LRMDA: variants seen among roughly 807,000 people sequenced by gnomAD.
The protein encoded by LRMDA is leucine rich melanocyte differentiation associated, also known as leucine-rich melanocyte differentiation-associated protein.
A neutral mutation model predicts 29.8 loss-of-function variants in LRMDA; 18 were observed. The ratio of observed to expected loss-of-function variants is 0.60; its 90% CI spans 0.42 to 0.90. The LOEUF is 0.90. Among genes scored for constraint, LRMDA ranks in the 40% least tolerant of loss-of-function variants. The pLI, the probability that LRMDA is intolerant of heterozygous loss-of-function variation, is 0.00. For synonymous variants in LRMDA, 125 were observed against 109.4 expected, an observed-to-expected ratio of 1.14 and a Z score of -0.89; for missense variants, 273 against 273.9, an observed-to-expected ratio of 1.00 and a Z score of 0.02.
At chr10:76,550,488 C>T (rs1589234142) in intron 6 of LRMDA, among the ~76,000 whole-genome samples, 2 of 147,050 alleles carry the variant, frequency 1.4e-5, no homozygotes, top group Non-Finnish European at 3.0e-5. Context: ...CAACCCCCCA[C>T]CCCCGGCCCC....
intron 2 of LRMDA, among the ~76,000 whole-genome samples, chr10:75,630,907 G>A (rs1169596137): frequency 3.3e-5 from 5 of 152,262 alleles, no homozygotes; most frequent in South Asian, 2.1e-4. Context: ...TTCCCCATCC[G>A]GAGTTTGCCC....
At chr10:76,276,949 C>T (rs73289035) in intron 5 of LRMDA, among the ~76,000 whole-genome samples, 9,265 of 152,140 alleles carry the variant, frequency 0.061, 771 homozygotes, top group African/African-American at 0.19. Flanking sequence ...TGGTGGTTTA[C>T]GATCCTCATT....
chr10:75,643,267 G>A (rs1228047815), intron 2 of LRMDA, among the ~76,000 whole-genome samples: 2 of 151,832 alleles, frequency 1.3e-5, no homozygotes, highest in African/African-American at 4.9e-5. Flanking sequence ...AATAACTAAG[G>A]GATTGAAAAT....
chr10:76,546,308 A>G (rs907832371), intron 6 of LRMDA, among the ~76,000 whole-genome samples: 12 of 152,104 alleles, frequency 7.9e-5, no homozygotes, highest in African/African-American at 2.9e-4. Flanking sequence ...CAGTCTTCCC[A>G]CCCCAGCTAA....
chr10:76,028,534 G>A (rs1004212281), intron 2 of LRMDA, among the ~76,000 whole-genome samples: 1 of 151,894 alleles, frequency 6.6e-6, no homozygotes, highest in Admixed American at 6.6e-5. Flanking sequence ...GATCATTTTG[G>A]ATCCTACTGT....
At chr10:75,754,601 G>A (rs1217810827) in intron 2 of LRMDA, among the ~76,000 whole-genome samples, 1 of 152,058 alleles carries the variant, frequency 6.6e-6, no homozygotes, top group African/African-American at 2.4e-5. Flanking sequence ...GCTGGTATTA[G>A]TTCACTAGTA....
intron 2 of LRMDA, among the ~76,000 whole-genome samples, chr10:75,575,343 C>A (rs760848023): frequency 7.9e-5 from 12 of 152,190 alleles, no homozygotes; most frequent in Non-Finnish European, 1.3e-4. Flanking sequence ...AGTCTTAACT[C>A]ATTCCAGCAT....
chr10:75,542,900 G>A (rs560956718), intron 2 of LRMDA, among the ~76,000 whole-genome samples: 2 of 152,306 alleles, frequency 1.3e-5, no homozygotes, highest in African/African-American at 4.8e-5. Flanking sequence ...ACTGTCCGGC[G>A]CAGCCTGCCT....
intron 2 of LRMDA, among the ~76,000 whole-genome samples, chr10:75,728,392 A>G (rs1031789262): frequency 2.0e-5 from 3 of 151,412 alleles, no homozygotes; most frequent in South Asian, 2.1e-4. Flanking sequence ...TTGAACATTT[A>G]TCATGTGCTT....
intron 2 of LRMDA, among the ~76,000 whole-genome samples, chr10:75,941,694 G>A (rs1287565403): frequency 6.6e-6 from 1 of 152,116 alleles, no homozygotes; most frequent in African/African-American, 2.4e-5. Flanking sequence ...CTGTGATCTG[G>A]TAGCTTCAGG....
chr10:75,624,072 A>G (rs992709635), intron 2 of LRMDA, among the ~76,000 whole-genome samples: 1 of 152,222 alleles, frequency 6.6e-6, no homozygotes, highest in African/African-American at 2.4e-5. Context: ...AATCATACAG[A>G]TGTGAATAAT....
intron 2 of LRMDA, among the ~76,000 whole-genome samples, chr10:75,604,445 C>T (rs1321970388): frequency 6.6e-6 from 1 of 152,142 alleles, no homozygotes; most frequent in African/African-American, 2.4e-5. Flanking sequence ...TTACCTCTGC[C>T]GTCTTCCAGT....
At chr10:75,884,949 T>C (rs950765880) in intron 2 of LRMDA, among the ~76,000 whole-genome samples, 1 of 151,410 alleles carries the variant, frequency 6.6e-6, no homozygotes, top group Non-Finnish European at 1.5e-5. Flanking sequence ...AGAACTCCAG[T>C]CCAGGAGGCC....
chr10:75,903,315 C>G (rs894508916), intron 2 of LRMDA, among the ~76,000 whole-genome samples: 1 of 152,150 alleles, frequency 6.6e-6, no homozygotes, highest in Non-Finnish European at 1.5e-5. Context: ...TCCTGGGTGT[C>G]GGGAAGCACA....
At chr10:76,450,076 T>C (rs975207777) in intron 6 of LRMDA, among the ~76,000 whole-genome samples, 5 of 152,098 alleles carry the variant, frequency 3.3e-5, no homozygotes, top group Non-Finnish European at 7.4e-5. Context: ...TTGATTTCTC[T>C]TTTTCTTTAT....
chr10:75,494,808 T>C (rs1845026710), intron 2 of LRMDA, among the ~76,000 whole-genome samples: 1 of 152,156 alleles, frequency 6.6e-6, no homozygotes. Flanking sequence ...GCCTGTTTGT[T>C]TCTTTCTCAT....
At chr10:75,666,194 C>T (rs900738391) in intron 2 of LRMDA, among the ~76,000 whole-genome samples, 1 of 151,940 alleles carries the variant, frequency 6.6e-6, no homozygotes, top group Non-Finnish European at 1.5e-5. Flanking sequence ...AGTATATAAA[C>T]TATATTACCT....
intron 5 of LRMDA, among the ~76,000 whole-genome samples, chr10:76,152,448 C>T (rs1259900672): frequency 6.6e-6 from 1 of 152,094 alleles, no homozygotes; most frequent in Non-Finnish European, 1.5e-5. Flanking sequence ...GTTATTTCTA[C>T]ATTTTGGCTA....
At chr10:76,548,450 CAA>C (rs11340326) in intron 6 of LRMDA, among the ~76,000 whole-genome samples, 11,967 of 137,626 alleles carry the variant, frequency 0.087, 964 homozygotes, top group African/African-American at 0.23. Flanking sequence ...TGGCTTGGAC[CAA>C]AAAAAAAAAA....
Sources: allele counts gnomAD v4.1 joint callset (sites outside exome capture counted in the v4.1 genomes callset), GRCh38; gene constraint gnomAD v4.1.1; transcripts MANE v1.5; gene names NCBI Gene and HGNC (gene_info 2026-07-23, HGNC 2026-07-21).